Variants in HIP1 observed in about 807,000 individuals in gnomAD.
The protein encoded by HIP1 is huntingtin-interacting protein 1.
A neutral mutation model predicts 147.6 loss-of-function variants in HIP1; 65 were observed. The ratio of observed to expected loss-of-function variants is 0.44; its 90% CI spans 0.36 to 0.54. The LOEUF is 0.54. Ranked by LOEUF, HIP1 falls within the 20% of genes least tolerant of loss-of-function variation. The pLI is 0.00. For missense variants in HIP1, 1,061 were observed against 1,299.6 expected, an observed-to-expected ratio of 0.82 and a Z score of 2.82; for synonymous variants, 479 against 504.0, an observed-to-expected ratio of 0.95 and a Z score of 0.67.
intron 1 of HIP1, among the ~76,000 whole-genome samples, chr7:75,688,318 C>A (rs1286586004): frequency 6.6e-6 from 1 of 152,052 alleles, no homozygotes; most frequent in Non-Finnish European, 1.5e-5. Context: ...GGAGACTCCT[C>A]ACCACACACG....
In HIP1 at chr7:75,554,448, C is replaced by T; in HGVS notation, c.2042G>A (p.Cys681Tyr). 6.2e-7 allele frequency: 1 copy of T among 1,613,378 alleles called. No individual in the cohort carries two copies. The highest frequency in any genetic ancestry group is 8.5e-7 in the Non-Finnish European group (1 of 1,179,388). The change falls in exon 20 of 31, where the codon TGC becomes TAC. Residue 681 changes from cysteine to tyrosine, a missense_variant. Transcript: ENST00000336926. ...TCCTTGGCCATTCTTACCTTCTGGG[C>T]AGGCCAGATACTGGCTCCAGCTTTT... Reference protein sequence around the residue: ...LEKSWSQYLACPEDISGLLHS... With the variant: ...LEKSWSQYLAYPEDISGLLHS...
chr7:75,585,967 A>G (rs781823329), intron 5 of HIP1, among the ~76,000 whole-genome samples: 3 of 151,746 alleles, frequency 2.0e-5, no homozygotes, highest in Non-Finnish European at 4.4e-5. Flanking sequence ...GTTGCACACT[A>G]CCACGCCCGG....
intron 1 of HIP1, among the ~76,000 whole-genome samples, chr7:75,673,814 T>G (rs537270348): frequency 2.2e-5 from 1 of 46,224 alleles, no homozygotes; most frequent in Non-Finnish European, 4.3e-5. Flanking sequence ...CAAAGCCCTA[T>G]CTCTACAAAA....
chr7:75,540,026 C>T (rs1794244139), intron 29 of HIP1, among the ~76,000 whole-genome samples: 2 of 152,164 alleles, frequency 1.3e-5, no homozygotes, highest in South Asian at 4.1e-4. Context: ...GCAACTTACA[C>T]TTATTACTGC....
At chr7:75,699,053 A>G (rs1388978375) in intron 1 of HIP1, among the ~76,000 whole-genome samples, 4 of 152,096 alleles carry the variant, frequency 2.6e-5, no homozygotes, top group African/African-American at 4.8e-5. Context: ...ACCTATTTAA[A>G]AAATGAAATA....
At chr7:75,564,218 A>C (rs1251007882) in intron 9 of HIP1, among the ~76,000 whole-genome samples, 1 of 152,088 alleles carries the variant, frequency 6.6e-6, no homozygotes, top group Non-Finnish European at 1.5e-5. Context: ...CTCATTCTCA[A>C]ATCTCTATTT....
At chr7:75,663,687 A>T (rs1422562696) in intron 1 of HIP1, among the ~76,000 whole-genome samples, 2 of 151,368 alleles carry the variant, frequency 1.3e-5, no homozygotes, top group Non-Finnish European at 2.9e-5. Context: ...GAGCAGTGAA[A>T]ATAGGAAAGA....
intron 1 of HIP1, among the ~76,000 whole-genome samples, chr7:75,716,316 C>G (rs993129556): frequency 1.3e-5 from 2 of 151,806 alleles, no homozygotes; most frequent in African/African-American, 4.8e-5. Context: ...CAACCTCCAC[C>G]TCCTGGATTC....
At chr7:75,557,187 C>A (rs1037461101) in intron 16 of HIP1, among the ~76,000 whole-genome samples, 1 of 151,974 alleles carries the variant, frequency 6.6e-6, no homozygotes, top group African/African-American at 2.4e-5. Context: ...TACGGGCACA[C>A]GCCATCACAC....
intron 23 of HIP1, among the ~76,000 whole-genome samples, chr7:75,548,318 C>T (rs117280976): frequency 2.3e-3 from 348 of 152,048 alleles, no homozygotes; most frequent in Non-Finnish European, 4.0e-3. Flanking sequence ...TGAGCCACCA[C>T]GCCTGGCCAG....
intron 1 of HIP1, among the ~76,000 whole-genome samples, chr7:75,689,136 A>C (rs1800362542): frequency 6.6e-6 from 1 of 151,886 alleles, no homozygotes; most frequent in African/African-American, 2.4e-5. Context: ...GACCACTTGA[A>C]CCCAAGAGTT....
chr7:75,534,439 C>CT lies in HIP1; in HGVS notation c.*3732dup, dbSNP rs782284084. 0.086 allele frequency: 14,269 copies of CT among 165,820 alleles called. 1,525 individuals carry two copies. Among genetic ancestry groups the CT allele is most frequent in the African/African-American group, 0.27 (11,068 of 40,522 alleles). The allele number at this position is 165,820 out of a possible 1,614,324, so 10.3% of individuals were successfully genotyped here. Reference sequence around the variant, plus strand: ...CTTCTATTTCTTTCTCTCTCTCTCTCTTTTTTTTTTTTGAGATGGAGTCTC... The same window carrying CT: ...CTTCTATTTCTTTCTCTCTCTCTCTCTTTTTTTTTTTTTGAGATGGAGTCTC... On this transcript the variant is annotated 3_prime_UTR_variant, in exon 31 of 31. Coordinates refer to ENST00000336926, the MANE Select transcript of HIP1 (RefSeq NM_005338.7).
chr7:75,605,977 G>A (rs940333606), intron 1 of HIP1, among the ~76,000 whole-genome samples: 5 of 152,100 alleles, frequency 3.3e-5, no homozygotes, highest in Non-Finnish European at 5.9e-5. Flanking sequence ...AGCTTCCTGA[G>A]TAGCTGGGAC....
Position 75,555,476 on chromosome 7 carries a change from T to A in HIP1, c.1903A>T (p.Ile635Leu). The A allele has an allele frequency of 6.2e-7, 1 of 1,614,208 alleles. No homozygotes were observed. Among genetic ancestry groups the A allele is most frequent in the Non-Finnish European group, 8.5e-7 (1 of 1,180,036 alleles). ...VGSRKAAEQV[I>L]QDALNQLEEP... Reference sequence around the variant, plus strand: ...TCAAGCTGGTTCAGGGCGTCTTGTATCACCTGCTCCGCAGCCTTCCTGGAC... The same window carrying A: ...TCAAGCTGGTTCAGGGCGTCTTGTAACACCTGCTCCGCAGCCTTCCTGGAC... The change falls in exon 19 of 31, where the codon ATA becomes TTA. Residue 635 changes from isoleucine (I) to leucine (L), a missense_variant. Physicochemically the swap from Ile to Leu is conservative, Grantham distance 5. Coordinates refer to ENST00000336926, the MANE Select transcript of HIP1 (RefSeq NM_005338.7).
chr7:75,598,072 A>T (rs987170730), intron 2 of HIP1, among the ~76,000 whole-genome samples: 1 of 152,164 alleles, frequency 6.6e-6, no homozygotes, highest in South Asian at 2.1e-4. Flanking sequence ...TCACGAAGGT[A>T]GAGAGCCCCT....
At chr7:75,727,966 T>C (rs76982994) in intron 1 of HIP1, among the ~76,000 whole-genome samples, 7,790 of 152,160 alleles carry the variant, frequency 0.051, 202 homozygotes, top group Middle Eastern at 0.068. Context: ...GTATAAAATT[T>C]GGGGCCAGAC....
intron 1 of HIP1, among the ~76,000 whole-genome samples, chr7:75,647,631 C>A (rs182293930): frequency 2.0e-5 from 3 of 152,226 alleles, no homozygotes; most frequent in Non-Finnish European, 4.4e-5. Flanking sequence ...AACCAAAGTT[C>A]TCCCGGAGCT....
At chr7:75,610,775 G>T (rs1328044437) in intron 1 of HIP1, among the ~76,000 whole-genome samples, 1 of 151,062 alleles carries the variant, frequency 6.6e-6, no homozygotes. Flanking sequence ...GGCCGAGGCA[G>T]GAGGATCTCT....
At chr7:75,723,947 T>C (rs557806423) in intron 1 of HIP1, among the ~76,000 whole-genome samples, 1 of 133,722 alleles carries the variant, frequency 7.5e-6, no homozygotes, top group East Asian at 2.5e-4. Flanking sequence ...TTTATATATA[T>C]ATAGAGAGAG....
Sources: gnomAD v4.1 joint callset for allele counts (sites outside exome capture counted in the v4.1 genomes callset) on GRCh38, gnomAD v4.1.1 for gene constraint, MANE v1.5 for transcripts, NCBI Gene and HGNC (gene_info 2026-07-23, HGNC 2026-07-21) for gene names.